MALRD1: variants seen among roughly 807,000 people sequenced by gnomAD.
MALRD1 encodes MAM and LDL receptor class A domain containing 1.
In MALRD1, 247 loss-of-function variants were observed where a neutral mutation model predicts 242.1. The ratio of observed to expected loss-of-function variants is 1.02; its 90% CI spans 0.92 to 1.13. MALRD1 has a LOEUF of 1.13. Ranked by LOEUF, MALRD1 falls within the 50% of genes most tolerant of loss-of-function variation. MALRD1 has a pLI of 0.00. For missense variants in MALRD1, 2,989 were observed against 2,533.1 expected, an observed-to-expected ratio of 1.18 and a Z score of -3.86; for synonymous variants, 995 against 866.6, an observed-to-expected ratio of 1.15 and a Z score of -2.60.
chr10:19,410,423 T>C (rs1244107123), intron 28 of MALRD1, among the ~76,000 whole-genome samples: 1 of 152,162 alleles, frequency 6.6e-6, no homozygotes, highest in Admixed American at 6.5e-5. Context: ...TTAAAACGTA[T>C]AGATGAAATA....
intron 10 of MALRD1, among the ~76,000 whole-genome samples, chr10:19,141,483 G>A (rs1209180215): frequency 1.3e-5 from 2 of 152,040 alleles, no homozygotes. Context: ...CAATGGGAAT[G>A]TACCTAATAC....
chr10:19,369,502 G>A (rs1360091492), intron 26 of MALRD1, among the ~76,000 whole-genome samples: 1 of 147,916 alleles, frequency 6.8e-6, no homozygotes, highest in African/African-American at 2.5e-5. Context: ...ATCATTGTGT[G>A]CGTTTATATA....
At chr10:19,115,975 A>C (rs1420818046) in intron 5 of MALRD1, among the ~76,000 whole-genome samples, 2 of 152,226 alleles carry the variant, frequency 1.3e-5, no homozygotes, top group Non-Finnish European at 2.9e-5. Context: ...TGCAAGTTGG[A>C]CAATAAAACT....
chr10:19,314,825 C>T (rs1484797796), intron 21 of MALRD1, among the ~76,000 whole-genome samples: 3 of 151,244 alleles, frequency 2.0e-5, no homozygotes, highest in African/African-American at 7.3e-5. Flanking sequence ...AAAAAAATTT[C>T]TGACCCCAGT....
chr10:19,499,494 G>A (rs1281363398), intron 31 of MALRD1, among the ~76,000 whole-genome samples: 2 of 151,680 alleles, frequency 1.3e-5, no homozygotes, highest in African/African-American at 2.4e-5. Context: ...ATCCCCAAGG[G>A]AATGTCTTCA....
At chr10:19,394,379 C>G (rs969028735) in intron 28 of MALRD1, among the ~76,000 whole-genome samples, 1 of 152,134 alleles carries the variant, frequency 6.6e-6, no homozygotes, top group Admixed American at 6.5e-5. Flanking sequence ...TAACTTAAGG[C>G]TCTTCTACAT....
chr10:19,211,403 G>T (rs1361430355), intron 18 of MALRD1, among the ~76,000 whole-genome samples: 1 of 151,910 alleles, frequency 6.6e-6, no homozygotes, highest in African/African-American at 2.4e-5. Flanking sequence ...ATTCTAGTGA[G>T]TAAAAAATGG....
At chr10:19,510,910 T>A (rs971401940) in intron 31 of MALRD1, among the ~76,000 whole-genome samples, 3 of 152,200 alleles carry the variant, frequency 2.0e-5, no homozygotes, top group African/African-American at 7.2e-5. Context: ...CCAGATGTAT[T>A]TATCCGTGTG....
chr10:19,652,357 A>C (rs1439289403), intron 36 of MALRD1, among the ~76,000 whole-genome samples: 1 of 152,228 alleles, frequency 6.6e-6, no homozygotes, highest in Non-Finnish European at 1.5e-5. Flanking sequence ...GTGCCAAAGC[A>C]TAATTTTCAA....
At chr10:19,666,328 T>C (rs577703469) in intron 36 of MALRD1, among the ~76,000 whole-genome samples, 1 of 152,316 alleles carries the variant, frequency 6.6e-6, no homozygotes, top group South Asian at 2.1e-4. Context: ...CTTTTCATTC[T>C]TTTTGTCACA....
intron 18 of MALRD1, among the ~76,000 whole-genome samples, chr10:19,233,363 G>A (rs778613507): frequency 2.0e-5 from 3 of 152,060 alleles, no homozygotes; most frequent in Non-Finnish European, 2.9e-5. Context: ...TTAGCCAGGT[G>A]TGGTGGCGAG....
chr10:19,456,175 A>G (rs372089168), intron 29 of MALRD1, among the ~76,000 whole-genome samples: 1 of 152,318 alleles, frequency 6.6e-6, no homozygotes, highest in East Asian at 1.9e-4. Flanking sequence ...CCCTACATTC[A>G]TACATAGCAA....
At chr10:19,718,913 T>A (rs1834551543) in intron 38 of MALRD1, among the ~76,000 whole-genome samples, 1 of 151,628 alleles carries the variant, frequency 6.6e-6, no homozygotes, top group African/African-American at 2.4e-5. Context: ...ATGCCTTTAA[T>A]CCCAGTGCTT....
Position 19,124,535 on chromosome 10 carries a change from T to C in MALRD1, c.808T>C (p.Cys270Arg). The change falls in exon 7 of 40, where the codon TGT becomes CGT. Residue 270 changes from cysteine (C) to arginine (R), a missense_variant. Physicochemically the swap from Cys to Arg is radical, Grantham distance 180. Coordinates refer to ENST00000454679, the MANE Select transcript of MALRD1 (RefSeq NM_001142308.3). Reference protein sequence around the residue: ...TDEELRLCQACGFEFDMCEWT... With the variant: ...TDEELRLCQARGFEFDMCEWT... ...TTTCTCCCGTTTAGTGTGTCAGGCC[T>C]GTGGGTTTGAATTTGACATGTGTGA... The C allele has an allele frequency of 8.1e-7, 1 of 1,233,828 alleles. No homozygotes were observed. The highest frequency in any genetic ancestry group is 1.5e-5 in the African/African-American group (1 of 64,596). The allele number at this position is 1,233,828 out of a possible 1,614,324, so 76.4% of individuals were successfully genotyped here.
At position 19,496,041 on chromosome 10, in the gene MALRD1, C is replaced by T. The variant is rs183516864; in HGVS notation, c.5159-2444C>T. Among the ~76,000 whole-genome samples, 322 of 152,262 alleles carry T rather than the reference C, an allele frequency of 2.1e-3. 1 individual carries two copies. The highest frequency in any genetic ancestry group is 6.3e-3 in the African/African-American group (263 of 41,564). On this transcript the variant is annotated intron_variant, in intron 30 of 39. Transcript: ENST00000454679. The stretch of plus-strand genomic sequence containing the variant: ...CCTAACTATCCTAAATATATAGGCA[C>T]CCAACACAGGAGTACCCATATTCAT...
At chr10:19,492,769 A>G (rs1391118726) in intron 30 of MALRD1, among the ~76,000 whole-genome samples, 9 of 151,878 alleles carry the variant, frequency 5.9e-5, no homozygotes, top group Non-Finnish European at 1.2e-4. Context: ...TAGACTTTCA[A>G]TGAGAAAACA....
At chr10:19,547,810 ATATATATATTTT>A (rs1299037363) in intron 32 of MALRD1, among the ~76,000 whole-genome samples, 1 of 14,358 alleles carries the variant, frequency 7.0e-5, no homozygotes, top group African/African-American at 2.2e-4. Flanking sequence ...ATATATATAT[ATATATATATTTT>A]TTTTTTTTTT....
chr10:19,291,477 A>G (rs2131921116), intron 21 of MALRD1: 1 of 152,080 alleles, frequency 6.6e-6, no homozygotes, highest in East Asian at 2.0e-4. Flanking sequence ...CAGGAAATTG[A>G]GGTTGTAGTA....
At chr10:19,599,698 A>C (rs74122017) in intron 34 of MALRD1, among the ~76,000 whole-genome samples, 5,895 of 152,244 alleles carry the variant, frequency 0.039, 228 homozygotes, top group African/African-American at 0.1. Flanking sequence ...CAAAGCCATA[A>C]GGGATAGTAA....
Sources: allele counts gnomAD v4.1 joint callset (sites outside exome capture counted in the v4.1 genomes callset), GRCh38; gene constraint gnomAD v4.1.1; transcripts MANE v1.5; gene names NCBI Gene and HGNC (gene_info 2026-07-23, HGNC 2026-07-21).